Variants in NKAIN2 observed in about 807,000 individuals in gnomAD.
NKAIN2 encodes the protein sodium/potassium-transporting ATPase subunit beta-1-interacting protein 2.
NKAIN2 carries 14 observed loss-of-function variants against 32.6 expected under a neutral mutation model. That is an observed-to-expected ratio of 0.43 (90% CI 0.28 to 0.67). NKAIN2 has a LOEUF of 0.67. Among genes scored for constraint, NKAIN2 ranks in the 30% least tolerant of loss-of-function variants. NKAIN2 has a pLI of 0.17. For synonymous variants in NKAIN2, 80 were observed against 87.2 expected (o/e 0.92, Z 0.46); for missense variants, 198 against 258.3 (o/e 0.77, Z 1.60).
At chr6:124,687,823 A>T (rs1329607868) in intron 4 of NKAIN2, among the ~76,000 whole-genome samples, 3 of 145,176 alleles carry the variant, frequency 2.1e-5, no homozygotes, top group African/African-American at 7.6e-5. Context: ...AACCCTGACT[A>T]ATACAATACC....
chr6:124,821,309 A>AT (rs1431975791), intron 6 of NKAIN2, among the ~76,000 whole-genome samples: 1 of 151,424 alleles, frequency 6.6e-6, no homozygotes, highest in Admixed American at 6.6e-5. Flanking sequence ...AAAAAAAAAA[A>AT]GGAGAATAAA....
chr6:124,159,610 A>G (rs1788170474), intron 1 of NKAIN2, among the ~76,000 whole-genome samples: 3 of 152,208 alleles, frequency 2.0e-5, no homozygotes, highest in African/African-American at 7.2e-5. Context: ...ACCTTATATT[A>G]GCCCATTCTT....
At chr6:123,892,584 A>C (rs1031130279) in intron 1 of NKAIN2, among the ~76,000 whole-genome samples, 1 of 152,006 alleles carries the variant, frequency 6.6e-6, no homozygotes, top group African/African-American at 2.4e-5. Flanking sequence ...ATTCAAAATG[A>C]GATTTGGGTG....
chr6:124,033,419 TA>T (rs1216506725), intron 1 of NKAIN2, among the ~76,000 whole-genome samples: 1 of 152,110 alleles, frequency 6.6e-6, no homozygotes, highest in Non-Finnish European at 1.5e-5. Context: ...GGTATACAAG[TA>T]GGGGGAAGAA....
At chr6:124,439,881 C>G (rs765258941) in intron 3 of NKAIN2, among the ~76,000 whole-genome samples, 5 of 151,960 alleles carry the variant, frequency 3.3e-5, no homozygotes, top group Non-Finnish European at 7.4e-5. Flanking sequence ...CTCGACTCAT[C>G]TCAGATAGGG....
chr6:124,747,064 A>G (rs955771510), intron 4 of NKAIN2, among the ~76,000 whole-genome samples: 1 of 151,994 alleles, frequency 6.6e-6, no homozygotes, highest in Non-Finnish European at 1.5e-5. Context: ...CTATGAATTA[A>G]TATCTTATCC....
intron 1 of NKAIN2, among the ~76,000 whole-genome samples, chr6:124,108,361 G>C (rs1785216225): frequency 6.6e-6 from 1 of 151,952 alleles, no homozygotes; most frequent in African/African-American, 2.4e-5. Context: ...TATTTTACTT[G>C]GGTGAAATAT....
chr6:124,065,686 A>T (rs1783135256), intron 1 of NKAIN2, among the ~76,000 whole-genome samples: 1 of 152,156 alleles, frequency 6.6e-6, no homozygotes, highest in Admixed American at 6.6e-5. Context: ...TATTGTTTAT[A>T]GATTACCCTG....
chr6:124,506,972 T>C (rs956713371), intron 3 of NKAIN2, among the ~76,000 whole-genome samples: 1 of 152,234 alleles, frequency 6.6e-6, no homozygotes, highest in Non-Finnish European at 1.5e-5. Flanking sequence ...TCTGCAATCC[T>C]GACAGAAGCT....
chr6:124,559,866 T>C (rs1780624405), intron 3 of NKAIN2, among the ~76,000 whole-genome samples: 2 of 128,808 alleles, frequency 1.6e-5, no homozygotes, highest in Admixed American at 8.6e-5. Context: ...TTTTTTGCTT[T>C]AAGCCATCAA....
intron 3 of NKAIN2, among the ~76,000 whole-genome samples, chr6:124,511,554 C>T (rs1778714735): frequency 6.6e-6 from 1 of 152,084 alleles, no homozygotes; most frequent in Admixed American, 6.6e-5. Context: ...TTCAGTCAAC[C>T]TTGCCTTCAG....
chr6:124,326,980 T>C (rs2115039568), intron 2 of NKAIN2, among the ~76,000 whole-genome samples: 1 of 152,266 alleles, frequency 6.6e-6, no homozygotes, highest in African/African-American at 2.4e-5. Flanking sequence ...TCCAGCGTTC[T>C]GATCAATGTG....
chr6:124,534,957 G>A (rs545820429), intron 3 of NKAIN2, among the ~76,000 whole-genome samples: 28 of 152,152 alleles, frequency 1.8e-4, no homozygotes, highest in African/African-American at 5.3e-4. Context: ...TAGTATTTGC[G>A]TATAACCTTC....
At chr6:124,076,996 T>A (rs1171517454) in intron 1 of NKAIN2, among the ~76,000 whole-genome samples, 2 of 147,236 alleles carry the variant, frequency 1.4e-5, no homozygotes, top group African/African-American at 2.6e-5. Flanking sequence ...ACTTTATAAC[T>A]ATTTTTTAGA....
chr6:124,241,637 C>T (rs780828743), intron 1 of NKAIN2, among the ~76,000 whole-genome samples: 1 of 152,026 alleles, frequency 6.6e-6, no homozygotes, highest in Admixed American at 6.6e-5. Flanking sequence ...AAACAAGCAA[C>T]GGGAAAGGAT....
intron 4 of NKAIN2, among the ~76,000 whole-genome samples, chr6:124,701,711 G>C (rs1183142682): frequency 7.0e-6 from 1 of 142,002 alleles, no homozygotes; most frequent in Non-Finnish European, 1.5e-5. Context: ...TCTCTTCTTT[G>C]TGTCATTATC....
At chr6:123,832,925 C>T (rs1774446446) in intron 1 of NKAIN2, among the ~76,000 whole-genome samples, 1 of 152,086 alleles carries the variant, frequency 6.6e-6, no homozygotes, top group Non-Finnish European at 1.5e-5. Flanking sequence ...TTTGGCTTGT[C>T]TTCATATTCT....
chr6:123,837,107 G>A (rs6569364), intron 1 of NKAIN2, among the ~76,000 whole-genome samples: 30,966 of 151,904 alleles, frequency 0.2, 3,233 homozygotes, highest in Non-Finnish European at 0.23. Flanking sequence ...TTACCATCCA[G>A]GAATAACTAC....
chr6:124,655,898 T>C (rs1234206030), intron 3 of NKAIN2, among the ~76,000 whole-genome samples: 2 of 152,090 alleles, frequency 1.3e-5, no homozygotes, highest in African/African-American at 4.8e-5. Flanking sequence ...TGACTTCCTG[T>C]GAGAGAGGGA....
Sources: allele counts gnomAD v4.1 joint callset (sites outside exome capture counted in the v4.1 genomes callset), GRCh38; gene constraint gnomAD v4.1.1; transcripts MANE v1.5; gene names NCBI Gene and HGNC (gene_info 2026-07-23, HGNC 2026-07-21).